FRMD4B: variants seen among roughly 807,000 people sequenced by gnomAD.
FRMD4B encodes the protein FERM domain-containing protein 4B.
FRMD4B carries 74 observed loss-of-function variants against 141.5 expected under a neutral mutation model. The observed-to-expected ratio is 0.52, with a 90% CI of 0.43 to 0.63. FRMD4B has a LOEUF of 0.63. FRMD4B is among the 30% of genes least tolerant of loss of function. The pLI is 0.00. For synonymous variants in FRMD4B, 506 were observed against 467.9 expected, an observed-to-expected ratio of 1.08 and a Z score of -1.05; for missense variants, 1,366 against 1,253.4, an observed-to-expected ratio of 1.09 and a Z score of -1.36.
At chr3:69,422,571 T>C (rs2106812519) in intron 2 of FRMD4B, among the ~76,000 whole-genome samples, 1 of 152,232 alleles carries the variant, frequency 6.6e-6, no homozygotes, top group East Asian at 1.9e-4. Context: ...AACTTTTCTA[T>C]AAAGGACCAG....
At chr3:69,500,930 T>C (rs551286883) in intron 1 of FRMD4B, among the ~76,000 whole-genome samples, 1 of 152,260 alleles carries the variant, frequency 6.6e-6, no homozygotes, top group South Asian at 2.1e-4. Context: ...TCTCTAAACA[T>C]GTCTAGGCAC....
chr3:69,185,428 T>C (rs1042326813), intron 19 of FRMD4B, among the ~76,000 whole-genome samples: 1 of 152,216 alleles, frequency 6.6e-6, no homozygotes, highest in Non-Finnish European at 1.5e-5. Context: ...ATAATTTCCT[T>C]TATTTAAATT....
At chr3:69,540,642 T>A (rs1261841313) in intron 1 of FRMD4B, among the ~76,000 whole-genome samples, 4,852 of 62,484 alleles carry the variant, frequency 0.078, 210 homozygotes, top group Non-Finnish European at 0.089. Context: ...AAAAAATATA[T>A]ATATATATAT....
chr3:69,182,801 A>C, intron 19 of FRMD4B, 84 bp from the exon 20 acceptor site: 2 of 1,311,962 alleles, frequency 1.5e-6, no homozygotes, highest in Non-Finnish European at 1.1e-6. Context: ...TACAAAACTT[A>C]CTAGAAGCCC....
In FRMD4B at chr3:69,280,287, G is replaced by GT. The variant is rs372267933; in HGVS notation, c.501+7464dup. Reference sequence around the variant, plus strand: ...CATTCTCACTGAGGAAGCCAAACAGGTTCAGGGGCCCTCGCTTGAACAACA... The same window carrying GT: ...CATTCTCACTGAGGAAGCCAAACAGGTTTCAGGGGCCCTCGCTTGAACAACA... On this transcript the variant is annotated intron_variant, in intron 5 of 22. Transcript: ENST00000398540. Among the ~76,000 whole-genome samples the GT allele has an allele frequency of 9.7e-4, 148 of 152,254 alleles. 3 individuals are homozygous for GT. Among genetic ancestry groups the GT allele is most frequent in the African/African-American group, 3.3e-3 (139 of 41,540 alleles).
chr3:69,483,708 C>A (rs1706168151), intron 1 of FRMD4B, among the ~76,000 whole-genome samples: 2 of 152,076 alleles, frequency 1.3e-5, no homozygotes, highest in Admixed American at 6.5e-5. Context: ...TCGCCAACTT[C>A]TAAAAATAAA....
intron 4 of FRMD4B, among the ~76,000 whole-genome samples, chr3:69,289,570 C>A (rs1416936404): frequency 1.3e-5 from 2 of 152,112 alleles, no homozygotes; most frequent in African/African-American, 2.4e-5. Context: ...CCGAGGCGGG[C>A]AGATCACTTG....
chr3:69,320,508 G>A (rs970153401), intron 1 of FRMD4B, among the ~76,000 whole-genome samples: 2 of 152,108 alleles, frequency 1.3e-5, no homozygotes, highest in Non-Finnish European at 2.9e-5. Flanking sequence ...CAGGAGGATC[G>A]CTGGAGCCCA....
At chr3:69,274,266 T>C (rs1244801986) in intron 5 of FRMD4B, among the ~76,000 whole-genome samples, 3 of 152,148 alleles carry the variant, frequency 2.0e-5, no homozygotes, top group Non-Finnish European at 2.9e-5. Context: ...TTTGCATATA[T>C]ATTAACTCAT....
chr3:69,390,380 A>G (rs183788117), upstream of FRMD4B, among the ~76,000 whole-genome samples: 332 of 152,278 alleles, frequency 2.2e-3, no homozygotes, highest in African/African-American at 7.5e-3. Flanking sequence ...ATGGTTCTCA[A>G]CCGGGGGCAA....
At position 69,198,709 on chromosome 3, in the gene FRMD4B, A is replaced by G. The variant is rs1402452862; in HGVS notation, c.942T>C (p.His314=). ...TCTTTGATCCTCACCTTCGTGGATC[A>G]TGAACTTCAACAGCAAATTTTTTCT... ...FREKKFAVEV[H]DPRRISVSRR... The change falls in exon 12 of 23, where the codon CAT becomes CAC. Residue 314 remains histidine, a synonymous_variant. Coordinates refer to ENST00000398540, the MANE Select transcript of FRMD4B (RefSeq NM_015123.3). 8 of 1,539,356 alleles carry G rather than the reference A, an allele frequency of 5.2e-6. No homozygotes were observed. The highest frequency in any genetic ancestry group is 6.2e-6 in the Non-Finnish European group (7 of 1,124,572).
chr3:69,221,750 C>A, intron 9 of FRMD4B, 108 bp downstream of exon 9: 2 of 693,762 alleles, frequency 2.9e-6, no homozygotes, highest in East Asian at 2.7e-5. Context: ...ATATTTCTAA[C>A]CAGATAAGGA....
chr3:69,183,656 G>A (rs999811308), intron 19 of FRMD4B, among the ~76,000 whole-genome samples: 2 of 150,988 alleles, frequency 1.3e-5, no homozygotes, highest in African/African-American at 4.9e-5. Flanking sequence ...CTAATTTTTT[G>A]TAGTTTTAGT....
intron 1 of FRMD4B, among the ~76,000 whole-genome samples, chr3:69,475,534 A>T (rs1385696300): frequency 6.6e-6 from 1 of 152,030 alleles, no homozygotes; most frequent in East Asian, 1.9e-4. Context: ...AACGACATGA[A>T]CTCATCATTT....
At chr3:69,258,969 C>G (rs1418620919) in intron 5 of FRMD4B, among the ~76,000 whole-genome samples, 1 of 152,160 alleles carries the variant, frequency 6.6e-6, no homozygotes, top group Non-Finnish European at 1.5e-5. Context: ...GACAATTTTC[C>G]CACGGACCAG....
intron 7 of FRMD4B, among the ~76,000 whole-genome samples, chr3:69,239,414 T>G (rs2093366890): frequency 1.3e-5 from 2 of 152,152 alleles, no homozygotes; most frequent in Admixed American, 1.3e-4. Flanking sequence ...AGCTATTTGT[T>G]TTTAGGTCTA....
chr3:69,269,825 G>A (rs1229396844), intron 5 of FRMD4B, among the ~76,000 whole-genome samples: 1 of 152,072 alleles, frequency 6.6e-6, no homozygotes, highest in Admixed American at 6.6e-5. Flanking sequence ...TCGCCATGTT[G>A]GCCAGCCTGG....
At chr3:69,303,475 T>G (rs1388894947) in intron 3 of FRMD4B, among the ~76,000 whole-genome samples, 1 of 152,204 alleles carries the variant, frequency 6.6e-6, no homozygotes, top group Non-Finnish European at 1.5e-5. Context: ...CATATGTGCA[T>G]GTATATATTA....
At chr3:69,313,867 C>T (rs1701694529) in intron 1 of FRMD4B, among the ~76,000 whole-genome samples, 3 of 151,212 alleles carry the variant, frequency 2.0e-5, no homozygotes, top group Non-Finnish European at 4.4e-5. Context: ...AGGCCGGGCG[C>T]GGTGGCTCAC....
Sources: allele counts gnomAD v4.1 joint callset (sites outside exome capture counted in the v4.1 genomes callset), GRCh38; gene constraint gnomAD v4.1.1; transcripts MANE v1.5; gene names NCBI Gene and HGNC (gene_info 2026-07-23, HGNC 2026-07-21).